PSG6: variants seen among roughly 807,000 people sequenced by gnomAD.
PSG6 encodes the protein pregnancy-specific beta-1-glycoprotein 6.
In PSG6, 51 loss-of-function variants were observed where a neutral mutation model predicts 43.3. That is an observed-to-expected ratio of 1.18 (90% confidence interval 0.94 to 1.49). The LOEUF (loss-of-function observed/expected upper bound fraction) is 1.49, where lower values mean the gene tolerates loss of function less well. Among genes scored for constraint, PSG6 ranks in the 40% most tolerant of loss-of-function variants. The pLI is 0.00. For missense variants in PSG6, 770 were observed against 522.2 expected, an observed-to-expected ratio of 1.47 and a Z score of -4.62; for synonymous variants, 292 against 197.6, an observed-to-expected ratio of 1.48 and a Z score of -4.01.
At chr19:42,910,929 G>T (rs568742350) in intron 2 of PSG6, 71 bp from the exon 3 acceptor site, 2 of 1,535,196 alleles carry the variant, frequency 1.3e-6, no homozygotes, top group African/African-American at 2.8e-5. Flanking sequence ...TTTTCAATCA[G>T]AGTTGGCATT....
intron 2 of PSG6, among the ~76,000 whole-genome samples, chr19:42,913,020 G>A (rs185319812): frequency 1.9e-4 from 29 of 151,686 alleles, no homozygotes; most frequent in Admixed American, 1.1e-3. Context: ...ATGTTGTTCC[G>A]CTTTTTTTCC....
At chr19:42,914,954 G>A (rs866756938) in intron 2 of PSG6, among the ~76,000 whole-genome samples, 5 of 151,624 alleles carry the variant, frequency 3.3e-5, no homozygotes, top group African/African-American at 7.3e-5. Flanking sequence ...TGACTCTGGC[G>A]GTTGAAGCCA....
chr19:42,907,183 G>A lies in PSG6; in HGVS notation c.986-7C>T. 1 of 1,610,070 alleles carries A rather than the reference G, an allele frequency of 6.2e-7. No individual in the cohort carries two copies. The highest frequency in any genetic ancestry group is 8.5e-7 in the Non-Finnish European group (1 of 1,177,656). ...CTGGGGAGGTCTGGACCATCTGGAG[G>A]AAAGAGAATAAAGCCACAGGTGATG... On this transcript the variant is annotated splice_region_variant and splice_polypyrimidine_tract_variant and intron_variant, in intron 4 of 5. Transcript: ENST00000187910.
chr19:42,912,276 C>T (rs1029494597), intron 2 of PSG6, among the ~76,000 whole-genome samples: 14 of 151,442 alleles, frequency 9.2e-5, no homozygotes, highest in African/African-American at 2.9e-4. Flanking sequence ...GGAGTTTAGA[C>T]CTCATGTTAT....
rs769057195 is a variant in PSG6, at chr19:42,910,441, A to G, written c.706+139T>C. ...CCTAGGCCTACTCTGGTTTGCCTGG[A>G]GCAGAAAGTCATGGCCAGCTTTGAT... On this transcript the variant is annotated intron_variant, in intron 3 of 5. Coordinates refer to ENST00000187910, the MANE Select transcript of PSG6 (RefSeq NM_001031850.4). The G allele has an allele frequency of 2.6e-5, 41 of 1,601,590 alleles. 1 individual carries two copies. Among genetic ancestry groups the G allele is most frequent in the South Asian group, 3.3e-5 (3 of 89,992 alleles).
intron 4 of PSG6, 108 bp downstream of exon 4, chr19:42,907,468 G>C: frequency 6.4e-7 from 1 of 1,556,778 alleles, no homozygotes; most frequent in South Asian, 1.3e-5. Flanking sequence ...CTGATGTCCA[G>C]AAGTAAAGTT....
Position 42,904,478 on chromosome 19 carries a change from T to C in PSG6, c.1241-2032A>G, listed in dbSNP as rs554633583. On this transcript the variant is annotated intron_variant, in intron 5 of 5. Transcript: ENST00000187910. ...AAAATCAACATTCAAACATCAGTTG[T>C]ATTTCAATACACTAACCATGAACAA... 3.3e-5 allele frequency among the ~76,000 whole-genome samples: 5 copies of C among 151,828 alleles called. 1 individual carries two copies. Among genetic ancestry groups the C allele is most frequent in the African/African-American group, 1.2e-4 (5 of 41,422 alleles).
In PSG6 at chr19:42,907,557, A is replaced by G; in HGVS notation, c.985+19T>C. ...GTTAAGCTGGTGTCCTGGCCCACAG[A>G]GGAACAAAGGATACTCACAGAGGAC... On this transcript the variant is annotated intron_variant, in intron 4 of 5. Transcript: ENST00000187910. The G allele has an allele frequency of 6.2e-7, 1 of 1,611,088 alleles. No individual in the cohort carries two copies.
intron 2 of PSG6, chr19:42,915,660 A>C (rs1294262278): frequency 4.6e-5 from 9 of 195,536 alleles, no homozygotes; most frequent in Non-Finnish European, 7.3e-5. Context: ...AAGCCCTGCC[A>C]AAGAAGCCAC....
intron 5 of PSG6, among the ~76,000 whole-genome samples, chr19:42,905,196 T>C (rs932360827): frequency 1.3e-5 from 2 of 151,740 alleles, no homozygotes; most frequent in Non-Finnish European, 2.9e-5. Flanking sequence ...AACTTCATGA[T>C]AGTGGATTTC....
At chr19:42,908,650 A>G (rs1257269336) in intron 3 of PSG6, among the ~76,000 whole-genome samples, 1 of 151,734 alleles carries the variant, frequency 6.6e-6, no homozygotes, top group African/African-American at 2.4e-5. Flanking sequence ...CTTTCTAGAA[A>G]TACATGTGGA....
chr19:42,906,746 A>T, intron 5 of PSG6, 176 bp downstream of exon 5: 3 of 1,549,202 alleles, frequency 1.9e-6, no homozygotes, highest in Non-Finnish European at 2.6e-6. Context: ...GAAAACAGAA[A>T]AACAAGCAGA....
intron 5 of PSG6, 136 bp from the exon 6 acceptor site, chr19:42,902,582 G>T (rs184181274): frequency 8.1e-7 from 1 of 1,234,864 alleles, no homozygotes; most frequent in Non-Finnish European, 1.1e-6. Flanking sequence ...ACTCCAATGG[G>T]TGACTGGTTG....
intron 1 of PSG6, 35 bp from the exon 2 acceptor site, chr19:42,916,522 A>T: frequency 6.3e-7 from 1 of 1,589,604 alleles, no homozygotes. Flanking sequence ...TAATATTTGG[A>T]CCTATGTATT....
intron 1 of PSG6, among the ~76,000 whole-genome samples, chr19:42,917,117 T>C (rs1325124541): frequency 6.6e-6 from 1 of 151,290 alleles, no homozygotes; most frequent in Non-Finnish European, 1.5e-5. Flanking sequence ...CTGAGGAAAG[T>C]GTTTCATGCC....
At chr19:42,911,758 C>A (rs1436061797) in intron 2 of PSG6, among the ~76,000 whole-genome samples, 2 of 151,606 alleles carry the variant, frequency 1.3e-5, no homozygotes, top group Non-Finnish European at 2.9e-5. Context: ...GATATTAGAC[C>A]AATATTTGGG....
chr19:42,914,086 A>G (rs1972278121), intron 2 of PSG6, among the ~76,000 whole-genome samples: 1 of 151,554 alleles, frequency 6.6e-6, no homozygotes, highest in Admixed American at 6.6e-5. Flanking sequence ...TTGTCTGGCA[A>G]TTACAAGGGT....
In PSG6 at chr19:42,917,814, C is replaced by T. The variant is rs755434906; in HGVS notation, c.-22G>A. 6 of 1,605,888 alleles carry T rather than the reference C, an allele frequency of 3.7e-6. No homozygotes were observed. The highest frequency in any genetic ancestry group is 3.3e-4 in the Middle Eastern group (2 of 6,050). On this transcript the variant is annotated 5_prime_UTR_variant, in exon 1 of 6. Coordinates refer to ENST00000187910, the MANE Select transcript of PSG6 (RefSeq NM_001031850.4). ...CCATGGTCTCTGCTGTCTGTGTGTT[C>T]TCCCCTGTGGAGATGAGCCTAGGAT...
intron 5 of PSG6, among the ~76,000 whole-genome samples, chr19:42,905,068 G>C (rs147128592): frequency 0.013 from 2,025 of 151,732 alleles, 71 homozygotes; most frequent in African/African-American, 0.046. Flanking sequence ...ATTGGGAAAG[G>C]TGGATATCCA....
Sources: allele counts gnomAD v4.1 joint callset (sites outside exome capture counted in the v4.1 genomes callset), GRCh38; gene constraint gnomAD v4.1.1; transcripts MANE v1.5; gene names NCBI Gene and HGNC (gene_info 2026-07-23, HGNC 2026-07-21).